Variants in ATP8B1 observed in about 807,000 individuals in gnomAD.
ATP8B1 encodes the protein ATPase phospholipid transporting 8B1, also known as phospholipid-transporting ATPase IC.
In ATP8B1, 80 loss-of-function variants were observed where a neutral mutation model predicts 149.9. That is an observed-to-expected ratio of 0.53 (90% confidence interval 0.45 to 0.64). ATP8B1 has a LOEUF of 0.64. Ranked by LOEUF, ATP8B1 falls within the 30% of genes least tolerant of loss-of-function variation. ATP8B1 has a pLI of 0.00. For missense variants in ATP8B1, 1,247 were observed against 1,552.6 expected, an observed-to-expected ratio of 0.80 and a Z score of 3.31; for synonymous variants, 536 against 562.8, an observed-to-expected ratio of 0.95 and a Z score of 0.67.
chr18:57,747,945 CCTTGGAAATA>C (rs1289305509), intron 1 of ATP8B1, among the ~76,000 whole-genome samples: 3 of 152,152 alleles, frequency 2.0e-5, no homozygotes, highest in South Asian at 2.1e-4. Context: ...TTTATAGGTC[CCTTGGAAATA>C]CTTGCATTTG....
intron 1 of ATP8B1, among the ~76,000 whole-genome samples, chr18:57,796,179 A>T (rs1190319158): frequency 6.6e-6 from 1 of 152,220 alleles, no homozygotes; most frequent in Non-Finnish European, 1.5e-5. Flanking sequence ...AAAAATAAAA[A>T]AATTTAAAAA....
intron 2 of ATP8B1, among the ~76,000 whole-genome samples, chr18:57,714,447 G>C (rs796827161): frequency 6.6e-6 from 1 of 152,100 alleles, no homozygotes; most frequent in African/African-American, 2.4e-5. Flanking sequence ...GGGCCATGGC[G>C]AGACCCAGTG....
At chr18:57,663,503 C>G (rs1243056567) in intron 20 of ATP8B1, among the ~76,000 whole-genome samples, 1 of 152,158 alleles carries the variant, frequency 6.6e-6, no homozygotes, top group African/African-American at 2.4e-5. Context: ...TTTGAAACAT[C>G]ACCATACTGT....
chr18:57,670,000 CACT>C (rs1319922250), intron 17 of ATP8B1, among the ~76,000 whole-genome samples: 6 of 152,178 alleles, frequency 3.9e-5, no homozygotes, highest in African/African-American at 1.2e-4. Flanking sequence ...TCCAGGACTG[CACT>C]TCCAGTTTCC....
chr18:57,731,960 A>T, intron 1 of ATP8B1, 128 bp from the exon 2 acceptor site: 1 of 894,478 alleles, frequency 1.1e-6, no homozygotes, highest in Admixed American at 1.9e-5. Context: ...CTGGAATAGT[A>T]CCCCCAAATT....
intron 12 of ATP8B1, among the ~76,000 whole-genome samples, chr18:57,688,947 T>G (rs1055047335): frequency 3.3e-5 from 5 of 152,174 alleles, no homozygotes; most frequent in Non-Finnish European, 5.9e-5. Flanking sequence ...CAGCCCAAAC[T>G]AAGCCCTCTA....
rs1046235167 is a variant in ATP8B1 at position 57,652,273 on chromosome 18, G to A, written c.3262-101C>T. ...AAACAGAATTCAGCAAGTTAGGCAT[G>A]ATGTGGCTTGAATACTGGACCAGAA... On this transcript the variant is annotated intron_variant, in intron 25 of 27. Coordinates refer to ENST00000648908, the MANE Select transcript of ATP8B1 (RefSeq NM_001374385.1). 20 of 1,515,282 alleles carry A rather than the reference G, an allele frequency of 1.3e-5. No homozygotes were observed. In the African/African-American group the frequency reaches 2.5e-4, roughly 19 times the overall value. The allele number at this position is 1,515,282 out of a possible 1,614,324, so 93.9% of individuals were successfully genotyped here.
chr18:57,752,211 AATAATAATAATAATG>A (rs1300428871), intron 1 of ATP8B1, among the ~76,000 whole-genome samples: 1 of 137,900 alleles, frequency 7.3e-6, no homozygotes, highest in African/African-American at 2.8e-5. Context: ...TGTCTCAAAT[AATAATAATAATAATG>A]ATAATAATAA....
At chr18:57,777,040 G>A (rs896314859) in intron 1 of ATP8B1, among the ~76,000 whole-genome samples, 1 of 150,598 alleles carries the variant, frequency 6.6e-6, no homozygotes, top group East Asian at 2.0e-4. Flanking sequence ...ACGGTGGTGT[G>A]ATCACAGCTC....
At chr18:57,658,407 A>G (rs1228638237) in intron 22 of ATP8B1, among the ~76,000 whole-genome samples, 2 of 152,144 alleles carry the variant, frequency 1.3e-5, no homozygotes, top group Non-Finnish European at 2.9e-5. Flanking sequence ...CCAAGAAGAG[A>G]CAACATCCAC....
Position 57,669,422 on chromosome 18 carries a change from C to G in ATP8B1, c.1993G>C (p.Glu665Gln). ...AACTTTTTATTCCATTCTGTAAATT[C>G]TTTTTCTTCAATTTCCTTGTAGCAA... ...CLCYKEIEEK[E>Q]FTEWNKKFMA... is the part of the protein sequence containing the mutation. Residue 665 changes from glutamate (E) to glutamine (Q), a missense_variant, in exon 18 of 28, where the codon GAA (glutamate) becomes CAA (glutamine). Physicochemically the swap from Glu to Gln is conservative, Grantham distance 29. Around this residue, in one of 3 missense-constraint regions of ATP8B1, gnomAD observed 853 missense variants for 1,035.7 expected, o/e 0.82. Transcript: ENST00000648908. 6.2e-7 allele frequency: 1 copy of G among 1,613,600 alleles called. No individual in the cohort carries two copies. The highest frequency in any genetic ancestry group is 8.5e-7 in the Non-Finnish European group (1 of 1,179,646).
rs1042169271 is a variant in ATP8B1 at position 57,717,713 on chromosome 18, C to T, written c.182-11126G>A. Among the ~76,000 whole-genome samples the T allele has an allele frequency of 4.0e-5, 6 of 150,932 alleles. No homozygotes were observed. In the South Asian group the frequency reaches 6.3e-4, roughly 16 times the overall value. The stretch of plus-strand genomic sequence containing the variant: ...ATACAAAAGATCAATGAAACAAAAA[C>T]GGTTTTTTGTTTTGGTTTGGTTTGG... On this transcript the variant is annotated intron_variant, in intron 2 of 27. Transcript: ENST00000648908.
chr18:57,754,017 T>C (rs4941035), intron 1 of ATP8B1, among the ~76,000 whole-genome samples: 125,880 of 150,400 alleles, frequency 0.84, 53,259 homozygotes, highest in African/African-American at 0.92. Flanking sequence ...TATAGAAAAC[T>C]ATAATGTTTT....
chr18:57,707,879 G>A (rs1339506173), intron 2 of ATP8B1, among the ~76,000 whole-genome samples: 1 of 151,374 alleles, frequency 6.6e-6, no homozygotes, highest in African/African-American at 2.4e-5. Context: ...AGTGTAGGCC[G>A]AGCATGGTGG....
intron 2 of ATP8B1, among the ~76,000 whole-genome samples, chr18:57,714,850 A>G (rs933505974): frequency 6.6e-6 from 1 of 152,202 alleles, no homozygotes; most frequent in Non-Finnish European, 1.5e-5. Flanking sequence ...AGACTGTGAG[A>G]GCTACAATAA....
chr18:57,764,022 C>T (rs556154433), intron 1 of ATP8B1, among the ~76,000 whole-genome samples: 2 of 152,198 alleles, frequency 1.3e-5, no homozygotes, highest in Admixed American at 1.3e-4. Flanking sequence ...TGTGCACTGC[C>T]GAAGGCCATC....
At chr18:57,676,021 T>C (rs1911564910) in intron 15 of ATP8B1, among the ~76,000 whole-genome samples, 1 of 152,198 alleles carries the variant, frequency 6.6e-6, no homozygotes, top group Admixed American at 6.5e-5. Flanking sequence ...GCTTATTTTC[T>C]AAGAGCAGAT....
intron 19 of ATP8B1, 121 bp downstream of exon 19, chr18:57,668,307 TC>T: frequency 1.5e-6 from 2 of 1,329,948 alleles, no homozygotes; most frequent in South Asian, 2.5e-5. Flanking sequence ...AAAAGCATCT[TC>T]CGTCCAAAGA....
rs1909323730 is a variant in ATP8B1 at position 57,648,448 on chromosome 18, G to C, written c.*40C>G. On this transcript the variant is annotated 3_prime_UTR_variant, in exon 28 of 28. Coordinates refer to ENST00000648908, the MANE Select transcript of ATP8B1 (RefSeq NM_001374385.1). ...CCTGAGAGTCTTTCATAAAAAAATAGACGTGCTTTGTGGCCGCATCCCAGC... is the reference window on the plus strand; with the variant it reads ...CCTGAGAGTCTTTCATAAAAAAATACACGTGCTTTGTGGCCGCATCCCAGC... 1 of 1,600,598 alleles carries C rather than the reference G, an allele frequency of 6.2e-7. No homozygotes were observed. The highest frequency in any genetic ancestry group is 1.1e-5 in the South Asian group (1 of 90,820).
Sources: gnomAD v4.1 joint callset for allele counts (sites outside exome capture counted in the v4.1 genomes callset) on GRCh38, gnomAD v4.1.1 for gene constraint, gnomAD v4.1.1 regional missense constraint, MANE v1.5 for transcripts, NCBI Gene and HGNC (gene_info 2026-07-23, HGNC 2026-07-21) for gene names.